Variants in DSCAML1 observed in about 807,000 individuals in gnomAD.
DSCAML1 encodes the protein DS cell adhesion molecule like 1.
DSCAML1 carries 38 observed loss-of-function variants against 200.5 expected under a neutral mutation model. The observed-to-expected ratio is 0.19, with a 90% CI of 0.15 to 0.25. The LOEUF (loss-of-function observed/expected upper bound fraction) is 0.25, where lower values mean the gene tolerates loss of function less well. Ranked by LOEUF, DSCAML1 falls within the 10% of genes least tolerant of loss-of-function variation. DSCAML1 has a pLI of 1.00. For missense variants in DSCAML1, 2,223 were observed against 2,858.8 expected (o/e 0.78, Z 5.07); for synonymous variants, 1,215 against 1,165.0 (o/e 1.04, Z -0.87).
chr11:117,771,073 T>G (rs966490223), intron 3 of DSCAML1, among the ~76,000 whole-genome samples: 1 of 152,210 alleles, frequency 6.6e-6, no homozygotes, highest in Non-Finnish European at 1.5e-5. Flanking sequence ...GCTCTCAGTC[T>G]GTGATTCCAC....
intron 3 of DSCAML1, among the ~76,000 whole-genome samples, chr11:117,598,492 T>C (rs534967676): frequency 6.6e-6 from 1 of 152,160 alleles, no homozygotes; most frequent in Non-Finnish European, 1.5e-5. Flanking sequence ...ACTTAGGAGA[T>C]TGCAGCTGTC....
intron 17 of DSCAML1, 119 bp from the exon 18 acceptor site, chr11:117,461,715 G>T: frequency 1.1e-6 from 1 of 903,270 alleles, no homozygotes; most frequent in Non-Finnish European, 1.7e-6. Context: ...AGTTAGACAA[G>T]TGGGGGGACC....
intron 3 of DSCAML1, among the ~76,000 whole-genome samples, chr11:117,538,806 C>G (rs748376824): frequency 1.2e-5 from 1 of 85,666 alleles, no homozygotes; most frequent in African/African-American, 4.9e-5. Flanking sequence ...AGGTGATAGA[C>G]AGGGGAGGAG....
intron 3 of DSCAML1, among the ~76,000 whole-genome samples, chr11:117,646,861 A>G (rs2052532033): frequency 6.6e-6 from 1 of 152,098 alleles, no homozygotes; most frequent in Non-Finnish European, 1.5e-5. Flanking sequence ...GAGGAAAAAA[A>G]AAAAAACAAA....
intron 8 of DSCAML1, among the ~76,000 whole-genome samples, chr11:117,512,097 C>T (rs1209906483): frequency 6.6e-6 from 1 of 152,238 alleles, no homozygotes; most frequent in Non-Finnish European, 1.5e-5. Context: ...GACCCTTGGC[C>T]CCACAGAGAG....
At chr11:117,587,257 C>CCG (rs1555187495) in intron 3 of DSCAML1, among the ~76,000 whole-genome samples, 2 of 109,070 alleles carry the variant, frequency 1.8e-5, no homozygotes, top group East Asian at 2.2e-4. Context: ...TTTCCAACCC[C>CCG]CCCCCACGAT....
At chr11:117,495,959 C>T (rs1005914794) in intron 11 of DSCAML1, among the ~76,000 whole-genome samples, 1 of 152,210 alleles carries the variant, frequency 6.6e-6, no homozygotes, top group Non-Finnish European at 1.5e-5. Flanking sequence ...CAGCAGCCTC[C>T]GTCTGGTCAG....
rs763403717 is a variant in DSCAML1, at chr11:117,524,797, C to CG, written c.937+7dup. ...ACTGGGGCTGCAGAAGGGGCTTCCCCGACTCACCAATGACCATGAGGATGC... is the reference window on the plus strand; with the variant it reads ...ACTGGGGCTGCAGAAGGGGCTTCCCCGGACTCACCAATGACCATGAGGATGC... On this transcript the variant is annotated splice_region_variant and intron_variant, in intron 5 of 32. Transcript: ENST00000651296. The CG allele has an allele frequency of 1.3e-5, 20 of 1,569,676 alleles. No homozygotes were observed. In the Admixed American group the frequency reaches 1.3e-4, roughly 10 times the overall value.
chr11:117,574,744 C>A (rs2050903379), intron 3 of DSCAML1, among the ~76,000 whole-genome samples: 1 of 152,176 alleles, frequency 6.6e-6, no homozygotes, highest in Non-Finnish European at 1.5e-5. Flanking sequence ...TGGGGCCTGC[C>A]ACGGAACCTC....
chr11:117,437,827 C>A lies in DSCAML1; in HGVS notation c.4432+68G>T. ...CACCCCAGCCACCTTACACCCCATA[C>A]CTGGCCCCTCTAGCCCACCCTCCCT... is the stretch of plus-strand genomic sequence containing the variant. On this transcript the variant is annotated intron_variant, in intron 25 of 32. Transcript: ENST00000651296. The surrounding 1 kb of genome is among the most constrained non-coding windows in gnomAD (Gnocchi z 5.3). 1 of 1,460,362 alleles carries A rather than the reference C, an allele frequency of 6.8e-7. No homozygotes were observed. Among genetic ancestry groups the A allele is most frequent in the Non-Finnish European group, 9.1e-7 (1 of 1,095,256 alleles). The allele number at this position is 1,460,362 out of a possible 1,614,324, so 90.5% of individuals were successfully genotyped here.
chr11:117,512,060 A>G (rs558429748), intron 8 of DSCAML1, among the ~76,000 whole-genome samples: 1 of 152,310 alleles, frequency 6.6e-6, no homozygotes, highest in African/African-American at 2.4e-5. Context: ...ATGGAGCAGC[A>G]TGGGTTTCAG....
chr11:117,450,518 C>T, intron 20 of DSCAML1, 31 bp downstream of exon 20: 1 of 1,607,378 alleles, frequency 6.2e-7, no homozygotes, highest in Non-Finnish European at 8.5e-7. Context: ...TTCTTCCATC[C>T]CCTTCATCAT....
intron 11 of DSCAML1, among the ~76,000 whole-genome samples, chr11:117,488,075 G>A (rs527368455): frequency 2.0e-5 from 3 of 151,706 alleles, no homozygotes; most frequent in Non-Finnish European, 2.9e-5. Context: ...GCAGATGGGC[G>A]CTTTCAGCCC....
At chr11:117,746,220 T>TAAAAAA (rs1374826474) in intron 3 of DSCAML1, among the ~76,000 whole-genome samples, 1 of 4,130 alleles carries the variant, frequency 2.4e-4, no homozygotes, top group African/African-American at 7.2e-4. Context: ...AGACTCTGTC[T>TAAAAAA]CAAAAAAAAA....
chr11:117,673,078 T>G (rs2053143821), intron 3 of DSCAML1, among the ~76,000 whole-genome samples: 1 of 152,142 alleles, frequency 6.6e-6, no homozygotes, highest in Non-Finnish European at 1.5e-5. Flanking sequence ...CGCCTGTTTT[T>G]GTGGCTCTCT....
At chr11:117,565,337 T>C (rs1183335918) in intron 3 of DSCAML1, among the ~76,000 whole-genome samples, 1 of 152,236 alleles carries the variant, frequency 6.6e-6, no homozygotes, top group African/African-American at 2.4e-5. Context: ...TGAATGTTTC[T>C]CTTCTAGCTA....
intron 3 of DSCAML1, among the ~76,000 whole-genome samples, chr11:117,675,376 C>G (rs1183127214): frequency 1.3e-5 from 2 of 151,916 alleles, no homozygotes; most frequent in Non-Finnish European, 2.9e-5. Flanking sequence ...TGGCTCACTG[C>G]AGCCTCAAAC....
chr11:117,440,407 G>T (rs573434542), intron 21 of DSCAML1, among the ~76,000 whole-genome samples: 1 of 152,198 alleles, frequency 6.6e-6, no homozygotes, highest in Non-Finnish European at 1.5e-5. Context: ...GACTTTATAA[G>T]CAGGGAAGGA....
At chr11:117,559,366 C>G (rs1165653515) in intron 3 of DSCAML1, among the ~76,000 whole-genome samples, 1 of 152,156 alleles carries the variant, frequency 6.6e-6, no homozygotes, top group East Asian at 1.9e-4. Context: ...AGTTTTTAGA[C>G]AAAGCCTCAC....
Sources: gnomAD v4.1 joint callset for allele counts (sites outside exome capture counted in the v4.1 genomes callset) on GRCh38, gnomAD v4.1.1 for gene constraint, Gnocchi (gnomAD v3.1) non-coding constraint, MANE v1.5 for transcripts, NCBI Gene and HGNC (gene_info 2026-07-23, HGNC 2026-07-21) for gene names.